Variants in CACNA2D1 observed in about 807,000 individuals in gnomAD.
CACNA2D1 encodes calcium voltage-gated channel auxiliary subunit alpha2delta 1.
Under a neutral mutation model 171.5 loss-of-function variants are expected in CACNA2D1, and 53 were observed. The observed-to-expected ratio is 0.31, with a 90% CI of 0.25 to 0.39. CACNA2D1 has a LOEUF of 0.39. CACNA2D1 is among the 10% of genes least tolerant of loss of function. The probability of loss-of-function intolerance (pLI) is 1.00; values close to 1 mark genes in which losing one functional copy is unlikely to be tolerated. For missense variants in CACNA2D1, 903 were observed against 1,299.8 expected, an observed-to-expected ratio of 0.69 and a Z score of 4.69; for synonymous variants, 442 against 443.1, an observed-to-expected ratio of 1.00 and a Z score of 0.03.
At chr7:82,280,675 T>C (rs1809976458) in intron 3 of CACNA2D1, among the ~76,000 whole-genome samples, 1 of 152,158 alleles carries the variant, frequency 6.6e-6, no homozygotes, top group Non-Finnish European at 1.5e-5. Flanking sequence ...ACTTATTAAT[T>C]ATTTTAATTT....
At chr7:82,388,618 G>A (rs982829819) in intron 1 of CACNA2D1, among the ~76,000 whole-genome samples, 5 of 152,276 alleles carry the variant, frequency 3.3e-5, no homozygotes, top group African/African-American at 1.2e-4. Flanking sequence ...CTTCCCCAGA[G>A]TGGGATTTTG....
At chr7:82,166,796 A>G (rs1199144696) in intron 4 of CACNA2D1, among the ~76,000 whole-genome samples, 1 of 152,096 alleles carries the variant, frequency 6.6e-6, no homozygotes, top group Non-Finnish European at 1.5e-5. Flanking sequence ...GCATGACCAC[A>G]TAAATCTTAA....
chr7:81,961,163 T>C (rs985584421), intron 36 of CACNA2D1, among the ~76,000 whole-genome samples: 10 of 152,030 alleles, frequency 6.6e-5, no homozygotes, highest in African/African-American at 2.4e-4. Flanking sequence ...AAAGTGTCTC[T>C]ACTCTGTGCT....
intron 4 of CACNA2D1, among the ~76,000 whole-genome samples, chr7:82,156,224 A>G (rs1269428729): frequency 6.6e-6 from 1 of 152,172 alleles, no homozygotes; most frequent in African/African-American, 2.4e-5. Flanking sequence ...TAATTCAGAA[A>G]ATCTTGCTTT....
chr7:82,405,236 T>C (rs891467902), intron 1 of CACNA2D1, among the ~76,000 whole-genome samples: 5 of 152,122 alleles, frequency 3.3e-5, no homozygotes, highest in Admixed American at 6.6e-5. Flanking sequence ...AATTAGACAA[T>C]AGTAGTAACA....
intron 3 of CACNA2D1, among the ~76,000 whole-genome samples, chr7:82,204,278 C>T (rs1799790086): frequency 6.6e-6 from 1 of 152,192 alleles, no homozygotes; most frequent in Non-Finnish European, 1.5e-5. Context: ...CCTGCACCGA[C>T]AGCTGGGGAG....
At chr7:82,063,232 A>T (rs987280501) in intron 9 of CACNA2D1, among the ~76,000 whole-genome samples, 1 of 152,172 alleles carries the variant, frequency 6.6e-6, no homozygotes, top group Non-Finnish European at 1.5e-5. Context: ...ATTATTATAC[A>T]TCCAACAGGA....
At chr7:82,106,015 C>T (rs549017529) in intron 6 of CACNA2D1, among the ~76,000 whole-genome samples, 1 of 152,220 alleles carries the variant, frequency 6.6e-6, no homozygotes, top group African/African-American at 2.4e-5. Context: ...TTACATATAA[C>T]TTCATTTGAT....
intron 10 of CACNA2D1, chr7:82,050,540 A>T: frequency 1.4e-6 from 1 of 702,186 alleles, no homozygotes; most frequent in Non-Finnish European, 2.6e-6. Context: ...CTGATGGCCC[A>T]CACTCATCCT....
At chr7:82,373,727 C>T (rs1176687510) in intron 1 of CACNA2D1, among the ~76,000 whole-genome samples, 1 of 152,192 alleles carries the variant, frequency 6.6e-6, no homozygotes, top group East Asian at 1.9e-4. Flanking sequence ...TCCTTAGACA[C>T]TCTCCATTCT....
At chr7:82,366,033 A>G (rs1036849868) in intron 1 of CACNA2D1, among the ~76,000 whole-genome samples, 2 of 152,322 alleles carry the variant, frequency 1.3e-5, no homozygotes, top group South Asian at 2.1e-4. Context: ...TCAAAAGGGA[A>G]AAGGAACCAA....
In CACNA2D1 at chr7:82,225,525, T is replaced by A. The variant is rs201592743; in HGVS notation, c.295-54916A>T. On this transcript the variant is annotated intron_variant, in intron 3 of 38. Coordinates refer to ENST00000356860, the MANE Select transcript of CACNA2D1 (RefSeq NM_000722.4). ...ACTCAGAAAAGTTGCACATCTTATA[T>A]GAATTTTTCAAGGCAATTTATGACC... 1.4e-4 allele frequency among the ~76,000 whole-genome samples: 22 copies of A among 152,314 alleles called. No homozygotes were observed. The East Asian group carries it at 4.2e-3, about 29-fold the overall frequency.
intron 10 of CACNA2D1, among the ~76,000 whole-genome samples, chr7:82,051,607 G>A (rs1436671191): frequency 6.6e-6 from 1 of 152,116 alleles, no homozygotes; most frequent in African/African-American, 2.4e-5. Context: ...GAAATGTGTG[G>A]TTTTATTAAA....
chr7:82,217,390 CATACATATATAT>C (rs1316735947), intron 3 of CACNA2D1, among the ~76,000 whole-genome samples: 9 of 54,448 alleles, frequency 1.7e-4, no homozygotes, highest in African/African-American at 1.0e-3. Flanking sequence ...CACACACACA[CATACATATATAT>C]ATATATATAT....
At chr7:82,427,816 A>G (rs1829321425) in intron 1 of CACNA2D1, among the ~76,000 whole-genome samples, 1 of 152,198 alleles carries the variant, frequency 6.6e-6, no homozygotes, top group Non-Finnish European at 1.5e-5. Flanking sequence ...ACTAGTTATG[A>G]ACCATTTTGA....
chr7:82,272,840 C>T (rs912473447), intron 3 of CACNA2D1, among the ~76,000 whole-genome samples: 6 of 152,038 alleles, frequency 3.9e-5, no homozygotes, highest in African/African-American at 1.4e-4. Flanking sequence ...TCTTGCAGCA[C>T]CAGGTAAGCC....
chr7:82,133,405 A>C (rs949243882), intron 5 of CACNA2D1, among the ~76,000 whole-genome samples: 4 of 152,200 alleles, frequency 2.6e-5, no homozygotes, highest in African/African-American at 9.6e-5. Context: ...GTGAAAAACT[A>C]TTTGAATGTG....
intron 38 of CACNA2D1, among the ~76,000 whole-genome samples, chr7:81,951,970 T>TTTTTTTTTTTTGTTTTG (rs1554321656): frequency 4.2e-5 from 1 of 23,960 alleles, no homozygotes; most frequent in South Asian, 1.7e-3. Context: ...GTACAAAGTG[T>TTTTTTTTTTTTGTTTTG]TTTTTTTTTT....
chr7:81,976,009 G>A (rs2130532186), intron 24 of CACNA2D1, among the ~76,000 whole-genome samples: 1 of 148,796 alleles, frequency 6.7e-6, no homozygotes, highest in East Asian at 2.0e-4. Context: ...AAAAAAAGCA[G>A]AAAGCACCTT....
Sources: allele counts gnomAD v4.1 joint callset (sites outside exome capture counted in the v4.1 genomes callset), GRCh38; gene constraint gnomAD v4.1.1; transcripts MANE v1.5; gene names NCBI Gene and HGNC (gene_info 2026-07-23, HGNC 2026-07-21).